The following ST8SIA6 variants were observed in gnomAD, a reference collection of about 807,000 sequenced individuals.
The protein encoded by ST8SIA6 is ST8 alpha-N-acetyl-neuraminide alpha-2,8-sialyltransferase 6.
ST8SIA6 carries 39 observed loss-of-function variants against 33.6 expected under a neutral mutation model. That is an observed-to-expected ratio of 1.16 (90% CI 0.90 to 1.52). The LOEUF is 1.52. Among genes scored for constraint, ST8SIA6 ranks in the 40% most tolerant of loss-of-function variants. The pLI is 0.00. For missense variants in ST8SIA6, 441 were observed against 443.8 expected (o/e 0.99, Z 0.06); for synonymous variants, 172 against 167.2 (o/e 1.03, Z -0.22).
intron 4 of ST8SIA6, among the ~76,000 whole-genome samples, chr10:17,350,648 C>CT (rs1848999416): frequency 1.4e-5 from 2 of 143,776 alleles, no homozygotes; most frequent in Admixed American, 1.4e-4. Context: ...ATAGACACCA[C>CT]CTTTTTTTTT....
intron 6 of ST8SIA6, 91 bp from the exon 7 acceptor site, chr10:17,323,248 C>CACACACACCT: frequency 2.7e-6 from 2 of 745,582 alleles, no homozygotes; most frequent in Middle Eastern, 7.8e-4. Context: ...CACACACACA[C>CACACACACCT]ACCTATCTAT....
intron 3 of ST8SIA6, among the ~76,000 whole-genome samples, chr10:17,388,342 A>G (rs565513749): frequency 1.3e-5 from 2 of 152,220 alleles, no homozygotes; most frequent in East Asian, 3.9e-4. Context: ...CTAAGCAAAT[A>G]TCGTTAGTCT....
At chr10:17,353,480 C>T (rs1222988106) in intron 4 of ST8SIA6, among the ~76,000 whole-genome samples, 1 of 152,056 alleles carries the variant, frequency 6.6e-6, no homozygotes, top group African/African-American at 2.4e-5. Context: ...CTTCAAAGAA[C>T]ATAAATAAAA....
chr10:17,436,790 G>A (rs1852276891), intron 2 of ST8SIA6, among the ~76,000 whole-genome samples: 2 of 151,958 alleles, frequency 1.3e-5, no homozygotes, highest in African/African-American at 4.8e-5. Flanking sequence ...CATTTGGGTT[G>A]GTTCCAAGTC....
In ST8SIA6 at chr10:17,317,331, C is replaced by G. The variant is rs1847806664; in HGVS notation, c.*3547G>C. Among the ~76,000 whole-genome samples, 1 of 152,100 alleles carries G rather than the reference C, an allele frequency of 6.6e-6. No individual in the cohort carries two copies. Among genetic ancestry groups the G allele is most frequent in the Non-Finnish European group, 1.5e-5 (1 of 68,018 alleles). On this transcript the variant is annotated 3_prime_UTR_variant, in exon 8 of 8. Transcript: ENST00000377602. ...GACCATGAGAAATATTCTTGCCTTT[C>G]CACTCTCAGGAGGGTACTGGTGACA...
chr10:17,390,490 C>T (rs1373416758), intron 3 of ST8SIA6, 41 bp downstream of exon 3: 2 of 1,509,584 alleles, frequency 1.3e-6, no homozygotes, highest in South Asian at 2.3e-5. Flanking sequence ...AAATAAAACC[C>T]TTGTTGTAAA....
At chr10:17,411,291 C>A (rs1480196373) in intron 2 of ST8SIA6, among the ~76,000 whole-genome samples, 1 of 152,092 alleles carries the variant, frequency 6.6e-6, no homozygotes, top group Non-Finnish European at 1.5e-5. Flanking sequence ...TCAAGCAATT[C>A]TTCTGCCTCA....
chr10:17,354,853 T>C (rs1849144064), intron 4 of ST8SIA6, among the ~76,000 whole-genome samples: 2 of 152,162 alleles, frequency 1.3e-5, no homozygotes, highest in South Asian at 4.1e-4. Context: ...GTGTACAAAA[T>C]CTCACAATTT....
In ST8SIA6 at chr10:17,319,877, C is replaced by T. The variant is rs1847889514; in HGVS notation, c.*1001G>A. The T allele has an allele frequency of 6.6e-6, 1 of 152,124 alleles. No individual in the cohort carries two copies. The highest frequency in any genetic ancestry group is 2.4e-5 in the African/African-American group (1 of 41,430). 9.4% of individuals were successfully genotyped at this position (152,124 alleles called of 1,614,324 possible). ...CTGCAGATTAGGGGAGACTATTGTA[C>T]ATTGAAATAGATTCCACTGAAATGG... is the stretch of plus-strand genomic sequence containing the variant. On this transcript the variant is annotated 3_prime_UTR_variant, in exon 8 of 8. Coordinates refer to ENST00000377602, the MANE Select transcript of ST8SIA6 (RefSeq NM_001004470.3).
chr10:17,443,757 C>T (rs1385265118), intron 2 of ST8SIA6, among the ~76,000 whole-genome samples: 2 of 152,186 alleles, frequency 1.3e-5, no homozygotes, highest in African/African-American at 4.8e-5. Flanking sequence ...AAATGTACTA[C>T]AGCAATGATC....
chr10:17,453,886 C>G (rs978740425), intron 1 of ST8SIA6, among the ~76,000 whole-genome samples: 1 of 152,180 alleles, frequency 6.6e-6, no homozygotes, highest in African/African-American at 2.4e-5. Context: ...AGGTCCCGCT[C>G]CACAGCTGCC....
chr10:17,348,745 T>C (rs181441022), intron 4 of ST8SIA6, among the ~76,000 whole-genome samples: 2 of 152,198 alleles, frequency 1.3e-5, no homozygotes, highest in Non-Finnish European at 2.9e-5. Flanking sequence ...TGTTTTTGCC[T>C]GGCCTCTGGG....
chr10:17,427,002 T>C (rs1211502452), intron 2 of ST8SIA6, among the ~76,000 whole-genome samples: 1 of 151,408 alleles, frequency 6.6e-6, no homozygotes, highest in Non-Finnish European at 1.5e-5. Flanking sequence ...CTTGGGAGGT[T>C]GAGACAGGAG....
intron 4 of ST8SIA6, among the ~76,000 whole-genome samples, chr10:17,343,195 G>A (rs1039187914): frequency 1.3e-5 from 2 of 152,132 alleles, no homozygotes; most frequent in African/African-American, 4.8e-5. Context: ...AGAAGCAGAA[G>A]GTGGAAGAAG....
rs1847916933 is a variant in ST8SIA6 at position 17,320,813 on chromosome 10, T to C, written c.*65A>G. Reference sequence around the variant, plus strand: ...TACTCTTTAGCCACCTCCTTTGGTGTTTGGAGACATTGTTAATCACCTACT... The same window carrying C: ...TACTCTTTAGCCACCTCCTTTGGTGCTTGGAGACATTGTTAATCACCTACT... On this transcript the variant is annotated 3_prime_UTR_variant, in exon 8 of 8. Coordinates refer to ENST00000377602, the MANE Select transcript of ST8SIA6 (RefSeq NM_001004470.3). 11 of 1,536,716 alleles carry C rather than the reference T, an allele frequency of 7.2e-6. No individual in the cohort carries two copies. In the Admixed American group the frequency reaches 1.9e-4, roughly 27 times the overall value.
At chr10:17,427,606 C>G (rs1250068825) in intron 2 of ST8SIA6, among the ~76,000 whole-genome samples, 5 of 152,218 alleles carry the variant, frequency 3.3e-5, no homozygotes, top group African/African-American at 1.2e-4. Flanking sequence ...GATTTCCTTT[C>G]TATAGATCAA....
intron 2 of ST8SIA6, among the ~76,000 whole-genome samples, chr10:17,402,179 T>A (rs1202508762): frequency 6.6e-6 from 1 of 152,068 alleles, no homozygotes; most frequent in Admixed American, 6.5e-5. Context: ...CATGAAAAAA[T>A]GCTCATCATC....
intron 2 of ST8SIA6, among the ~76,000 whole-genome samples, chr10:17,439,624 A>G (rs994112074): frequency 2.0e-5 from 3 of 152,246 alleles, no homozygotes; most frequent in Non-Finnish European, 4.4e-5. Flanking sequence ...TTTCCAAAGT[A>G]GCTGCACTTG....
At chr10:17,440,611 G>A (rs61844072) in intron 2 of ST8SIA6, among the ~76,000 whole-genome samples, 5,977 of 152,178 alleles carry the variant, frequency 0.039, 169 homozygotes, top group South Asian at 0.057. Context: ...GCACTACACC[G>A]GCTATGCACT....
Sources: allele counts gnomAD v4.1 joint callset (sites outside exome capture counted in the v4.1 genomes callset), GRCh38; gene constraint gnomAD v4.1.1; transcripts MANE v1.5; gene names NCBI Gene and HGNC (gene_info 2026-07-23, HGNC 2026-07-21).